CST9L: variants seen among roughly 807,000 people sequenced by gnomAD.
CST9L encodes the protein cystatin-9-like.
In CST9L, 17 loss-of-function variants were observed where a neutral mutation model predicts 13.2. The ratio of observed to expected loss-of-function variants is 1.29; its 90% CI spans 0.88 to 1.93. CST9L has a LOEUF of 1.93. Ranked by LOEUF, CST9L falls within the 30% of genes most tolerant of loss-of-function variation. The pLI is 0.00. For synonymous variants in CST9L, 78 were observed against 69.1 expected (o/e 1.13, Z -0.64); for missense variants, 170 against 170.5 (o/e 1.00, Z 0.02).
chr20:23,568,239 C>T lies in CST9L; in HGVS notation c.212G>A (p.Gly71Glu), dbSNP rs1989125527. ...CTCCTTCCAGGAATTCAAGATGTGC[C>T]CCAGTCTGTAGGCATAGTAGTCCTT... ...QSKDYYAYRL[G>E]HILNSWKEQV... is the part of the protein sequence containing the mutation. The change falls in exon 1 of 3, where the codon GGG (glycine) becomes GAG (glutamate). Residue 71 changes from glycine to glutamate, a missense_variant. Gly to Glu is a moderately conservative substitution (Grantham distance 98). Coordinates refer to ENST00000376979, the MANE Select transcript of CST9L (RefSeq NM_080610.3). The T allele has an allele frequency of 1.2e-6, 2 of 1,614,136 alleles. No homozygotes were observed. The highest frequency in any genetic ancestry group is 1.3e-5 in the African/African-American group (1 of 75,016).
Position 23,564,970 on chromosome 20 carries a change from G to T in CST9L, c.422C>A (p.Thr141Asn), listed in dbSNP as rs773159392. ...WMTQFSLLNK[T>N]CLEGFH ...CACTCAGTGGAATCCCTCCAAGCAG[G>T]TCTTGTTCAGGAGGCTGAACTGAGT... Residue 141 changes from threonine to asparagine, a missense_variant, in exon 3 of 3, where the codon ACC (threonine) becomes AAC (asparagine). Thr to Asn is a moderately conservative substitution (Grantham distance 65, BLOSUM62 0). Transcript: ENST00000376979. 3 of 1,613,508 alleles carry T rather than the reference G, an allele frequency of 1.9e-6. No individual in the cohort carries two copies. The highest frequency in any genetic ancestry group is 1.7e-6 in the Non-Finnish European group (2 of 1,179,534).
chr20:23,565,141 G>T, intron 2 of CST9L, 104 bp from the exon 3 acceptor site: 1 of 824,752 alleles, frequency 1.2e-6, no homozygotes, highest in Non-Finnish European at 2.1e-6. Context: ...CCTTTCCCAG[G>T]TCAAGCAGTG....
Position 23,565,036 on chromosome 20 carries a change from G to C in CST9L, c.356C>G (p.Thr119Ser). Residue 119 changes from threonine to serine, a missense_variant and splice_region_variant, in exon 3 of 3, where the codon ACT becomes AGT. Physicochemically the swap from Thr to Ser is moderately conservative, Grantham distance 58. Transcript: ENST00000376979. ...HFQESTELNN[T>S]FTCFFTISTR... The stretch of plus-strand genomic sequence containing the variant: ...GCTGATGGTGAAGAAGCAGGTGAAA[G>C]TCTGAGAGAACAAGCACAGGAAGGG... 1.2e-6 allele frequency: 2 copies of C among 1,612,742 alleles called. No individual in the cohort carries two copies. Among genetic ancestry groups the C allele is most frequent in the Non-Finnish European group, 1.7e-6 (2 of 1,178,824 alleles).
At chr20:23,567,096 G>T (rs1989108138) in intron 1 of CST9L, among the ~76,000 whole-genome samples, 1 of 152,172 alleles carries the variant, frequency 6.6e-6, no homozygotes, top group South Asian at 2.1e-4. Flanking sequence ...ACCAGCCAGG[G>T]CCTTGCACAG....
intron 1 of CST9L, among the ~76,000 whole-genome samples, chr20:23,566,812 C>T (rs899958015): frequency 8.6e-5 from 13 of 151,946 alleles, no homozygotes; most frequent in Admixed American, 5.2e-4. Context: ...TGTTTGAACC[C>T]GGGAGGCAGA....
chr20:23,565,234 T>A (rs1011086622), intron 2 of CST9L, among the ~76,000 whole-genome samples, 197 bp from the exon 3 acceptor site: 2 of 152,090 alleles, frequency 1.3e-5, no homozygotes, highest in African/African-American at 4.8e-5. Flanking sequence ...GAACTGCAAC[T>A]CTTTTCTGAC....
intron 1 of CST9L, among the ~76,000 whole-genome samples, chr20:23,567,504 T>A (rs1478827321): frequency 3.7e-5 from 2 of 53,524 alleles, no homozygotes; most frequent in South Asian, 2.8e-3. Flanking sequence ...CAAGATTCCA[T>A]CTCAAAAAAA....
In CST9L at chr20:23,564,937, G is replaced by A. The variant is rs749442325; in HGVS notation, c.*11C>T. The A allele has an allele frequency of 9.4e-6, 15 of 1,594,238 alleles. No homozygotes were observed. Among genetic ancestry groups the A allele is most frequent in the Non-Finnish European group, 1.3e-5 (15 of 1,161,734 alleles). Reference sequence around the variant, plus strand: ...GAGCAGCACATGGACAAGCCTGTGAGTGGGTTTCACTCAGTGGAATCCCTC... The same window carrying A: ...GAGCAGCACATGGACAAGCCTGTGAATGGGTTTCACTCAGTGGAATCCCTC... On this transcript the variant is annotated 3_prime_UTR_variant, in exon 3 of 3. Coordinates refer to ENST00000376979, the MANE Select transcript of CST9L (RefSeq NM_080610.3).
In CST9L at chr20:23,568,452, G is replaced by A. The variant is rs1264379065; in HGVS notation, c.-2C>T. ...TCCCTTCCACGGCAGGCCCAGCATGGTGCTGACTGTAGGCACCGCTGACTT... is the reference window on the plus strand; with the variant it reads ...TCCCTTCCACGGCAGGCCCAGCATGATGCTGACTGTAGGCACCGCTGACTT... On this transcript the variant is annotated 5_prime_UTR_variant, in exon 1 of 3. Transcript: ENST00000376979. 3 of 1,613,266 alleles carry A rather than the reference G, an allele frequency of 1.9e-6. No homozygotes were observed. Among genetic ancestry groups the A allele is most frequent in the East Asian group, 2.2e-5 (1 of 44,858 alleles).
rs1600332251 is a variant in CST9L at position 23,568,194 on chromosome 20, G to A, written c.240+17C>T. On this transcript the variant is annotated intron_variant, in intron 1 of 2. Coordinates refer to ENST00000376979, the MANE Select transcript of CST9L (RefSeq NM_080610.3). ...CACATGCCAGATGCCAGGGCAGGAG[G>A]GTACGTGGTCACCAACCTGCTCCTT... 2 of 1,614,042 alleles carry A rather than the reference G, an allele frequency of 1.2e-6. No homozygotes were observed. Among genetic ancestry groups the A allele is most frequent in the Non-Finnish European group, 1.7e-6 (2 of 1,179,944 alleles).
chr20:23,568,453 T>C lies in CST9L; in HGVS notation c.-3A>G. The stretch of plus-strand genomic sequence containing the variant: ...CCCTTCCACGGCAGGCCCAGCATGG[T>C]GCTGACTGTAGGCACCGCTGACTTT... On this transcript the variant is annotated 5_prime_UTR_variant, in exon 1 of 3. Transcript: ENST00000376979. 2 of 1,613,166 alleles carry C rather than the reference T, an allele frequency of 1.2e-6. No individual in the cohort carries two copies. The highest frequency in any genetic ancestry group is 2.2e-5 in the East Asian group (1 of 44,846).
rs1212603451 is a variant in CST9L at position 23,566,121 on chromosome 20, C to T, written c.241-34G>A. On this transcript the variant is annotated intron_variant, in intron 1 of 2. Coordinates refer to ENST00000376979, the MANE Select transcript of CST9L (RefSeq NM_080610.3). ...CACAGAGAGATTAATGTGAACACAC[C>T]CTCCTTGTTGCCCCTAAGTAGCTGC... is the stretch of plus-strand genomic sequence containing the variant. The T allele has an allele frequency of 4.2e-6, 5 of 1,194,836 alleles. No homozygotes were observed. In the African/African-American group the frequency reaches 4.5e-5, roughly 11 times the overall value. 74.0% of individuals were successfully genotyped at this position (1,194,836 alleles called of 1,614,324 possible). A position where few individuals can be genotyped will look rare whatever the true frequency, so the allele number is the denominator to read the frequency against.
At chr20:23,565,347 G>A (rs1989077445) in intron 2 of CST9L, among the ~76,000 whole-genome samples, 1 of 152,174 alleles carries the variant, frequency 6.6e-6, no homozygotes, top group South Asian at 2.1e-4. Context: ...GCAGGAGAAT[G>A]CATTGTCCCA....
rs768323635 is a variant in CST9L at position 23,566,102 on chromosome 20, G to C, written c.241-15C>G. ...TTGGACTCCACCTATTGCACACAGA[G>C]AGATTAATGTGAACACACCCTCCTT... is the stretch of plus-strand genomic sequence containing the variant. On this transcript the variant is annotated splice_polypyrimidine_tract_variant and intron_variant, in intron 1 of 2. Coordinates refer to ENST00000376979, the MANE Select transcript of CST9L (RefSeq NM_080610.3). 1 of 1,391,320 alleles carries C rather than the reference G, an allele frequency of 7.2e-7. No individual in the cohort carries two copies. 86.2% of individuals were successfully genotyped at this position (1,391,320 alleles called of 1,614,324 possible).
chr20:23,567,012 C>CA (rs1989107243), intron 1 of CST9L, among the ~76,000 whole-genome samples: 1 of 152,192 alleles, frequency 6.6e-6, no homozygotes, highest in Non-Finnish European at 1.5e-5. Context: ...TCCCCAACTC[C>CA]AAAACTGACT....
intron 2 of CST9L, among the ~76,000 whole-genome samples, chr20:23,565,244 C>T (rs751582235): frequency 2.0e-5 from 3 of 152,150 alleles, no homozygotes; most frequent in Non-Finnish European, 4.4e-5. Flanking sequence ...TCTTTTCTGA[C>T]CCAGGGGCGC....
At chr20:23,568,161 C>A in intron 1 of CST9L, 50 bp downstream of exon 1, 1 of 1,604,058 alleles carries the variant, frequency 6.2e-7, no homozygotes, top group Non-Finnish European at 8.5e-7. Flanking sequence ...CCATTTTTCA[C>A]TGAGCAGCAC....
intron 1 of CST9L, 91 bp from the exon 2 acceptor site, chr20:23,566,178 C>CTACA: frequency 1.3e-6 from 1 of 791,458 alleles, no homozygotes; most frequent in Admixed American, 1.7e-5. Context: ...AGGAGAAGTC[C>CTACA]CAACATTCTC....
intron 1 of CST9L, 24 bp downstream of exon 1, chr20:23,568,187 G>A: frequency 1.2e-6 from 2 of 1,613,826 alleles, no homozygotes; most frequent in Admixed American, 1.7e-5. Flanking sequence ...AGATGCCAGG[G>A]CAGGAGGGTA....
Sources: allele counts gnomAD v4.1 joint callset (sites outside exome capture counted in the v4.1 genomes callset), GRCh38; gene constraint gnomAD v4.1.1; transcripts MANE v1.5; gene names NCBI Gene and HGNC (gene_info 2026-07-23, HGNC 2026-07-21).